IAH1: variants seen among roughly 807,000 people sequenced by gnomAD.
IAH1 encodes the protein isoamyl acetate-hydrolyzing esterase 1 homolog.
A neutral mutation model predicts 26.7 loss-of-function variants in IAH1; 24 were observed. That is an observed-to-expected ratio of 0.90 (90% CI 0.65 to 1.26). IAH1 has a LOEUF of 1.26. IAH1 is among the 50% of genes most tolerant of loss of function. The probability of loss-of-function intolerance (pLI) is 0.00; values close to 1 mark genes in which losing one functional copy is unlikely to be tolerated. For missense variants in IAH1, 300 were observed against 299.9 expected, an observed-to-expected ratio of 1.00 and a Z score of 0.00; for synonymous variants, 140 against 118.5, an observed-to-expected ratio of 1.18 and a Z score of -1.18.
At chr2:9,504,686 C>T in the IAH1 span, among the ~76,000 whole-genome samples, 4 of 145,898 alleles carry the variant, frequency 2.7e-5, no homozygotes, top group Non-Finnish European at 6.0e-5. Context: ...CACTTGAACC[C>T]GGGAGACAAA....
At chr2:9,499,220 T>C (rs1255287829), downstream of IAH1, among the ~76,000 whole-genome samples, 1 of 151,448 alleles carries the variant, frequency 6.6e-6, no homozygotes, top group African/African-American at 2.4e-5. Context: ...TTGTATAAAA[T>C]ATCAAGGGAA....
At chr2:9,475,016 C>T in intron 1 of IAH1, 3 of 1,103,512 alleles carry the variant, frequency 2.7e-6, no homozygotes, top group Non-Finnish European at 3.4e-6. Flanking sequence ...CGGGCGACCG[C>T]GCGCTGTGTC....
chr2:9,495,659 A>G (rs1662520772), intron 6 of IAH1, among the ~76,000 whole-genome samples: 1 of 150,528 alleles, frequency 6.6e-6, no homozygotes, highest in African/African-American at 2.5e-5. Flanking sequence ...GGCTGCGGTG[A>G]CCTGAGATCG....
At chr2:9,497,307 G>T, downstream of IAH1, 1 of 1,599,680 alleles carries the variant, frequency 6.3e-7, no homozygotes, top group Non-Finnish European at 8.5e-7. Context: ...CAGTTCTACA[G>T]GTGCATAATA....
At chr2:9,487,819 T>C (rs865974022) in intron 5 of IAH1, among the ~76,000 whole-genome samples, 10,986 of 107,602 alleles carry the variant, frequency 0.1, 445 homozygotes, top group African/African-American at 0.13. Context: ...TGTGTGTGTG[T>C]GTGTGTGTGT....
intron 6 of IAH1, among the ~76,000 whole-genome samples, chr2:9,495,557 A>T (rs9710804): frequency 6.6e-6 from 1 of 151,866 alleles, no homozygotes; most frequent in East Asian, 1.9e-4. Flanking sequence ...TACTAAAAAT[A>T]AAAAAAATTA....
At chr2:9,497,299 G>A (rs1340041017), downstream of IAH1, 6 of 1,605,770 alleles carry the variant, frequency 3.7e-6, no homozygotes, top group East Asian at 6.7e-5. Flanking sequence ...AGGTCCACCA[G>A]TTCTACAGGT....
At chr2:9,486,927 TG>T (rs1403625301) in intron 5 of IAH1, 2 of 151,958 alleles carry the variant, frequency 1.3e-5, no homozygotes, top group African/African-American at 4.8e-5. Context: ...AATGGCTGTA[TG>T]GGTAAAATTC....
intron 4 of IAH1, among the ~76,000 whole-genome samples, chr2:9,483,925 A>T (rs2124920129): frequency 6.6e-6 from 1 of 152,344 alleles, no homozygotes; most frequent in East Asian, 1.9e-4. Flanking sequence ...TTTAGTGAAA[A>T]TTGTAGGCAT....
chr2:9,479,795 C>CTTTTTTTTTTTTTTTTTTTTTTTTTTTT (rs5829216), intron 3 of IAH1, among the ~76,000 whole-genome samples: 2 of 69,848 alleles, frequency 2.9e-5, no homozygotes, highest in Non-Finnish European at 5.0e-5. Context: ...CTGTGTATTG[C>CTTTTTTTTTTTTTTTTTTTTTTTTTTTT]TTTTTTTTTT....
the IAH1 span, among the ~76,000 whole-genome samples, chr2:9,508,159 C>G: frequency 6.6e-6 from 1 of 152,212 alleles, no homozygotes; most frequent in Non-Finnish European, 1.5e-5. Flanking sequence ...AGCATATGAC[C>G]TATTACTTAG....
At chr2:9,512,031 A>G in the IAH1 span, among the ~76,000 whole-genome samples, 1 of 149,368 alleles carries the variant, frequency 6.7e-6, no homozygotes, top group East Asian at 1.9e-4. Flanking sequence ...AAAATTCCTG[A>G]GTTCTTTTTT....
the IAH1 span, chr2:9,509,897 G>T: frequency 2.0e-6 from 3 of 1,529,552 alleles, no homozygotes; most frequent in South Asian, 1.2e-5. Context: ...CCTAGGAATG[G>T]AATACGTTTC....
At chr2:9,511,364 C>A in the IAH1 span, among the ~76,000 whole-genome samples, 1 of 151,994 alleles carries the variant, frequency 6.6e-6, no homozygotes, top group Non-Finnish European at 1.5e-5. Flanking sequence ...ACAGGAAAAT[C>A]ACTTGAACCC....
intron 1 of IAH1, among the ~76,000 whole-genome samples, chr2:9,475,383 A>T (rs747760183): frequency 6.6e-6 from 1 of 152,168 alleles, no homozygotes; most frequent in Non-Finnish European, 1.5e-5. Flanking sequence ...GTGTATGAAA[A>T]AGTGTTCACC....
chr2:9,488,425 C>CA lies in IAH1; in HGVS notation c.*97dup, dbSNP rs1661761750. 3 of 879,558 alleles carry CA rather than the reference C, an allele frequency of 3.4e-6. No homozygotes were observed. Among genetic ancestry groups the CA allele is most frequent in the Admixed American group, 5.7e-5 (2 of 34,816 alleles). 54.5% of individuals were successfully genotyped at this position (879,558 alleles called of 1,614,324 possible). ...TTTTTCCTCAGGCTTAAACCTTTGC[C>CA]ACTGATATTAATAATAAAAGTATTA... On this transcript the variant is annotated 3_prime_UTR_variant, in exon 6 of 6. Transcript: ENST00000497473.
chr2:9,497,079 T>C, downstream of IAH1: 1 of 1,605,298 alleles, frequency 6.2e-7, no homozygotes, highest in Non-Finnish European at 8.5e-7. Context: ...GGCCATGTTT[T>C]CTCCTGCTGC....
At chr2:9,508,768 T>C in the IAH1 span, among the ~76,000 whole-genome samples, 1 of 152,108 alleles carries the variant, frequency 6.6e-6, no homozygotes, top group African/African-American at 2.4e-5. Context: ...TGGGCAGCAC[T>C]GAACTATAGT....
the IAH1 span, chr2:9,510,067 C>A: frequency 1.2e-6 from 2 of 1,614,152 alleles, no homozygotes; most frequent in South Asian, 1.1e-5. Context: ...TTCTGCTAGA[C>A]CATCCGGATC....
Sources: allele counts gnomAD v4.1 joint callset (sites outside exome capture counted in the v4.1 genomes callset), GRCh38; gene constraint gnomAD v4.1.1; transcripts MANE v1.5; gene names NCBI Gene and HGNC (gene_info 2026-07-23, HGNC 2026-07-21).